PTN: variants seen among roughly 807,000 people sequenced by gnomAD.
PTN encodes the protein pleiotrophin.
Under a neutral mutation model 24.1 loss-of-function variants are expected in PTN, and 18 were observed. The observed-to-expected ratio is 0.75, with a 90% CI of 0.52 to 1.11. The LOEUF is 1.11. PTN is among the 50% of genes least tolerant of loss of function. PTN has a pLI of 0.00. For synonymous variants in PTN, 78 were observed against 68.6 expected (o/e 1.14, Z -0.67); for missense variants, 163 against 198.8 (o/e 0.82, Z 1.08).
chr7:137,254,861 G>A lies in PTN; in HGVS notation c.113C>T (p.Pro38Leu). ...GCCTTCAGAACCCTACTGCTTACCT[G>A]GTTTCTCTTTCTTCCCTGCTTCAGC... ...DTAEAGKKEK[P>L]EKKVKKSDCG... The change falls in exon 2 of 5, where the codon CCA becomes CTA. Residue 38 changes from proline (P) to leucine (L), a missense_variant and splice_region_variant. Physicochemically the swap from Pro to Leu is moderately conservative, Grantham distance 98. Coordinates refer to ENST00000348225, the MANE Select transcript of PTN (RefSeq NM_002825.7). The A allele has an allele frequency of 6.5e-7, 1 of 1,546,874 alleles. No individual in the cohort carries two copies. The highest frequency in any genetic ancestry group is 8.8e-7 in the Non-Finnish European group (1 of 1,131,620).
At chr7:137,280,559 C>G (rs1211152589) in intron 1 of PTN, among the ~76,000 whole-genome samples, 4 of 151,066 alleles carry the variant, frequency 2.6e-5, no homozygotes, top group African/African-American at 9.7e-5. Context: ...CAAACAGAAA[C>G]CATGCAAACT....
chr7:137,329,403 G>T (rs1258616666), intron 1 of PTN, among the ~76,000 whole-genome samples: 3 of 152,084 alleles, frequency 2.0e-5, no homozygotes, highest in Non-Finnish European at 4.4e-5. Flanking sequence ...GGCAGGTCTT[G>T]ATTTTGACTT....
At chr7:137,249,742 G>T (rs545696969) in intron 4 of PTN, among the ~76,000 whole-genome samples, 2 of 152,262 alleles carry the variant, frequency 1.3e-5, no homozygotes, top group East Asian at 3.9e-4. Context: ...GTCTGCATAA[G>T]TACTCACTGC....
intron 1 of PTN, among the ~76,000 whole-genome samples, chr7:137,324,433 A>AAAAATATATATATATATATATATAT: frequency 1.1e-5 from 1 of 88,800 alleles, no homozygotes; most frequent in African/African-American, 6.9e-5. Context: ...AAAAAAAAAA[A>AAAAATATATATATATATATATATAT]ATATATATAT....
chr7:137,310,472 A>G (rs1046585288), intron 1 of PTN, among the ~76,000 whole-genome samples: 5 of 146,080 alleles, frequency 3.4e-5, no homozygotes, highest in African/African-American at 1.3e-4. Flanking sequence ...ATCTTGGCTC[A>G]CTGCAACCTC....
chr7:137,304,709 T>C (rs764754895), intron 1 of PTN, among the ~76,000 whole-genome samples: 3 of 151,956 alleles, frequency 2.0e-5, no homozygotes, highest in African/African-American at 4.8e-5. Context: ...GGGTTAATAG[T>C]TTCAAAAATG....
chr7:137,251,476 C>CT, intron 3 of PTN, 85 bp from the exon 4 acceptor site: 2 of 1,433,876 alleles, frequency 1.4e-6, no homozygotes, highest in Non-Finnish European at 1.9e-6. Context: ...TTGTTTGTAA[C>CT]TTTTTTATTG....
intron 1 of PTN, among the ~76,000 whole-genome samples, chr7:137,269,390 C>G (rs931549976): frequency 3.3e-5 from 5 of 152,168 alleles, no homozygotes; most frequent in African/African-American, 1.2e-4. Flanking sequence ...TCACCATGAT[C>G]TACAGTGCAC....
intron 1 of PTN, among the ~76,000 whole-genome samples, chr7:137,264,460 C>A (rs573026925): frequency 6.6e-6 from 1 of 152,280 alleles, no homozygotes; most frequent in South Asian, 2.1e-4. Flanking sequence ...GACCAGTCAG[C>A]TTCCGGGTGT....
rs1334745715 is a variant in PTN, at chr7:137,334,659, G to C, written c.-2+8780C>G. Among the ~76,000 whole-genome samples the C allele has an allele frequency of 5.3e-5, 7 of 133,300 alleles. No individual in the cohort carries two copies. The Admixed American group carries it at 5.4e-4, about 10-fold the overall frequency. The allele number at this position is 133,300 out of a possible 152,430, so 87.4% of individuals were successfully genotyped here. A position where few individuals can be genotyped will look rare whatever the true frequency, so the allele number is the denominator to read the frequency against. ...GCGATTCCTCAGGGATCTAGAACTA[G>C]AAATACCATTTGACCCAGCCATCCC... is the stretch of plus-strand genomic sequence containing the variant. On this transcript the variant is annotated intron_variant, in intron 1 of 4. Coordinates refer to ENST00000348225, the MANE Select transcript of PTN (RefSeq NM_002825.7).
chr7:137,239,775 G>A (rs1270970106), intron 4 of PTN, among the ~76,000 whole-genome samples: 1 of 152,158 alleles, frequency 6.6e-6, no homozygotes. Context: ...ATTTTCAAAA[G>A]TGAATAAGTT....
At chr7:137,310,767 A>G (rs916691146) in intron 1 of PTN, among the ~76,000 whole-genome samples, 11 of 152,198 alleles carry the variant, frequency 7.2e-5, no homozygotes, top group African/African-American at 2.7e-4. Context: ...GCCTTTATCA[A>G]TGATCTTAGC....
chr7:137,306,630 T>C (rs1563218976), intron 1 of PTN, among the ~76,000 whole-genome samples: 2 of 151,924 alleles, frequency 1.3e-5, no homozygotes, highest in South Asian at 4.2e-4. Context: ...AACAGAAAAA[T>C]CTGAACCAAG....
intron 1 of PTN, among the ~76,000 whole-genome samples, chr7:137,300,741 G>A (rs938794367): frequency 2.6e-5 from 4 of 151,872 alleles, no homozygotes; most frequent in South Asian, 2.1e-4. Context: ...GCATATCTTC[G>A]TGTGTCTCAA....
chr7:137,338,277 A>G (rs578068596), intron 1 of PTN, among the ~76,000 whole-genome samples: 1 of 152,200 alleles, frequency 6.6e-6, no homozygotes, highest in Non-Finnish European at 1.5e-5. Context: ...CCTGAAAAGG[A>G]CATCTACAGG....
At chr7:137,257,933 G>A (rs1305658975) in intron 1 of PTN, among the ~76,000 whole-genome samples, 1 of 152,068 alleles carries the variant, frequency 6.6e-6, no homozygotes, top group Non-Finnish European at 1.5e-5. Context: ...ATGATAACTT[G>A]GCAGAAATAG....
At chr7:137,303,503 C>T (rs747853603) in intron 1 of PTN, among the ~76,000 whole-genome samples, 1 of 151,702 alleles carries the variant, frequency 6.6e-6, no homozygotes, top group South Asian at 2.1e-4. Flanking sequence ...TATAAAAATG[C>T]TTAAGATATA....
intron 1 of PTN, among the ~76,000 whole-genome samples, chr7:137,280,029 A>G (rs1380696824): frequency 6.6e-6 from 1 of 152,234 alleles, no homozygotes; most frequent in African/African-American, 2.4e-5. Context: ...CAGATTTCTG[A>G]TCCTCAATCC....
chr7:137,301,777 G>T (rs1017067314), intron 1 of PTN, among the ~76,000 whole-genome samples: 2 of 151,864 alleles, frequency 1.3e-5, no homozygotes, highest in Non-Finnish European at 2.9e-5. Context: ...AGTAGAAAAA[G>T]CATGTTTTAT....
Sources: allele counts gnomAD v4.1 joint callset (sites outside exome capture counted in the v4.1 genomes callset), GRCh38; gene constraint gnomAD v4.1.1; transcripts MANE v1.5; gene names NCBI Gene and HGNC (gene_info 2026-07-23, HGNC 2026-07-21).